The following CRPPA variants were observed in gnomAD, a reference collection of about 807,000 sequenced individuals.
CRPPA encodes the protein D-ribitol-5-phosphate cytidylyltransferase.
CRPPA carries 43 observed loss-of-function variants against 52.0 expected under a neutral mutation model. The observed-to-expected ratio is 0.83, with a 90% CI of 0.65 to 1.07. The LOEUF is 1.07. CRPPA is among the 50% of genes least tolerant of loss of function. CRPPA has a pLI of 0.00. For missense variants in CRPPA, 629 were observed against 551.7 expected, an observed-to-expected ratio of 1.14 and a Z score of -1.40; for synonymous variants, 250 against 203.5, an observed-to-expected ratio of 1.23 and a Z score of -1.94.
intron 9 of CRPPA, among the ~76,000 whole-genome samples, chr7:16,132,230 T>G (rs1311246036): frequency 1.4e-5 from 1 of 69,230 alleles, no homozygotes; most frequent in African/African-American, 3.6e-5. Context: ...TCCTTTCTTC[T>G]TTTCTATTAT....
At chr7:16,367,184 A>AG (rs397712770) in intron 3 of CRPPA, among the ~76,000 whole-genome samples, 4 of 150,074 alleles carry the variant, frequency 2.7e-5, no homozygotes, top group Non-Finnish European at 5.9e-5. Context: ...TAAAAAAAAA[A>AG]CTTATGCCTT....
rs984604332 is a variant in CRPPA, at chr7:16,391,730, C to T, written c.534+14331G>A. Among the ~76,000 whole-genome samples the T allele has an allele frequency of 1.1e-4, 16 of 152,238 alleles. No homozygotes were observed. The South Asian group carries it at 1.7e-3, about 16-fold the overall frequency. On this transcript the variant is annotated intron_variant, in intron 2 of 9. Coordinates refer to ENST00000407010, the MANE Select transcript of CRPPA (RefSeq NM_001101426.4). ...CAGAATGTTTTATTGGACAGCAGTG[C>T]CCTAGAATGTTCACTCCATGACTGC...
intron 5 of CRPPA, among the ~76,000 whole-genome samples, chr7:16,280,242 G>T (rs1784295170): frequency 6.6e-6 from 1 of 152,198 alleles, no homozygotes; most frequent in African/African-American, 2.4e-5. Flanking sequence ...TACTTAGTGA[G>T]ATCAAATCAA....
chr7:16,343,825 T>C (rs2128306553), intron 3 of CRPPA, among the ~76,000 whole-genome samples: 1 of 152,318 alleles, frequency 6.6e-6, no homozygotes, highest in East Asian at 1.9e-4. Context: ...GATGACCACG[T>C]GTCTCTGCAC....
chr7:16,387,828 C>T (rs1237686945), intron 2 of CRPPA, among the ~76,000 whole-genome samples: 2 of 152,154 alleles, frequency 1.3e-5, no homozygotes, highest in African/African-American at 4.8e-5. Flanking sequence ...CACCCAACAA[C>T]AGCAGAATAC....
chr7:16,291,037 A>T (rs1583496142), intron 5 of CRPPA, among the ~76,000 whole-genome samples: 1 of 152,104 alleles, frequency 6.6e-6, no homozygotes, highest in East Asian at 1.9e-4. Context: ...AATGTTCAAC[A>T]TCACTAATCC....
intron 9 of CRPPA, among the ~76,000 whole-genome samples, chr7:16,159,318 G>A (rs1178995163): frequency 6.6e-6 from 1 of 152,068 alleles, no homozygotes; most frequent in African/African-American, 2.4e-5. Flanking sequence ...GGATAGCAGT[G>A]CTTCCCAAAC....
At chr7:16,152,972 A>T (rs1205568598) in intron 9 of CRPPA, among the ~76,000 whole-genome samples, 1 of 152,022 alleles carries the variant, frequency 6.6e-6, no homozygotes. Context: ...TTCAGCATAA[A>T]TTTTACTCTG....
At chr7:16,167,239 T>C (rs894009142) in intron 9 of CRPPA, among the ~76,000 whole-genome samples, 1 of 152,162 alleles carries the variant, frequency 6.6e-6, no homozygotes, top group Non-Finnish European at 1.5e-5. Flanking sequence ...CCAAGCTACT[T>C]TCATCACCAA....
At chr7:16,152,799 A>C (rs926326741) in intron 9 of CRPPA, among the ~76,000 whole-genome samples, 1 of 152,016 alleles carries the variant, frequency 6.6e-6, no homozygotes. Context: ...CTGTAGCACC[A>C]ATACAATGAA....
At chr7:16,154,221 A>C (rs964520754) in intron 9 of CRPPA, among the ~76,000 whole-genome samples, 1 of 152,044 alleles carries the variant, frequency 6.6e-6, no homozygotes, top group Admixed American at 6.6e-5. Flanking sequence ...GTAAGTTTTC[A>C]ATTTTTGTTA....
chr7:16,168,571 ACACACACC>A (rs1781115176), intron 9 of CRPPA, among the ~76,000 whole-genome samples: 1 of 147,204 alleles, frequency 6.8e-6, no homozygotes, highest in South Asian at 2.2e-4. Flanking sequence ...ACACACACAC[ACACACACC>A]ATTAACATAC....
intron 9 of CRPPA, among the ~76,000 whole-genome samples, chr7:16,181,042 A>G (rs536327274): frequency 6.6e-6 from 1 of 151,994 alleles, no homozygotes; most frequent in African/African-American, 2.4e-5. Flanking sequence ...ATGTTTGTAA[A>G]AAAAGCCATG....
intron 8 of CRPPA, among the ~76,000 whole-genome samples, chr7:16,228,980 C>T (rs1782722037): frequency 6.6e-6 from 1 of 151,892 alleles, no homozygotes; most frequent in Non-Finnish European, 1.5e-5. Flanking sequence ...TTAGGTATTC[C>T]AACATTGGTT....
In CRPPA at chr7:16,089,610, T is replaced by A. The variant is rs1037013926; in HGVS notation, c.*2085A>T. 3.2e-5 allele frequency: 7 copies of A among 219,568 alleles called. No homozygotes were observed. The highest frequency in any genetic ancestry group is 1.3e-4 in the African/African-American group (6 of 45,216). 13.6% of individuals were successfully genotyped at this position (219,568 alleles called of 1,614,324 possible). On this transcript the variant is annotated 3_prime_UTR_variant, in exon 10 of 10. Coordinates refer to ENST00000407010, the MANE Select transcript of CRPPA (RefSeq NM_001101426.4). ...GCATGTATATACATATATATGGGTA[T>A]ACATACATGTATATGTATGTATGTA...
At chr7:16,130,344 G>A (rs188559805) in intron 9 of CRPPA, among the ~76,000 whole-genome samples, 53 of 152,268 alleles carry the variant, frequency 3.5e-4, no homozygotes, top group Middle Eastern at 6.8e-3. Context: ...CAGAAGCCAC[G>A]TCAAGCTACA....
At chr7:16,363,218 C>G (rs1324453953) in intron 3 of CRPPA, among the ~76,000 whole-genome samples, 1 of 152,126 alleles carries the variant, frequency 6.6e-6, no homozygotes, top group African/African-American at 2.4e-5. Flanking sequence ...ATGACTATAT[C>G]TTAAAAAGTT....
intron 9 of CRPPA, among the ~76,000 whole-genome samples, chr7:16,196,481 C>T (rs1781738116): frequency 6.6e-6 from 1 of 152,096 alleles, no homozygotes; most frequent in Non-Finnish European, 1.5e-5. Context: ...ATAAAATATA[C>T]AATCAGAAAT....
At chr7:16,096,322 G>T (rs992371630) in intron 9 of CRPPA, among the ~76,000 whole-genome samples, 2 of 151,584 alleles carry the variant, frequency 1.3e-5, no homozygotes, top group African/African-American at 2.4e-5. Flanking sequence ...AATTTAAGCA[G>T]ACCCAGAAAT....
Sources: gnomAD v4.1 joint callset for allele counts (sites outside exome capture counted in the v4.1 genomes callset) on GRCh38, gnomAD v4.1.1 for gene constraint, MANE v1.5 for transcripts, NCBI Gene and HGNC (gene_info 2026-07-23, HGNC 2026-07-21) for gene names.